Variants in FRMPD4 observed in about 807,000 individuals in gnomAD.
The protein encoded by FRMPD4 is FERM and PDZ domain containing 4.
In FRMPD4, 22 loss-of-function variants were observed where a neutral mutation model predicts 94.1. The ratio of observed to expected loss-of-function variants is 0.23; its 90% confidence interval spans 0.17 to 0.33. The LOEUF (loss-of-function observed/expected upper bound fraction) is 0.33. Ranked by LOEUF, FRMPD4 falls within the 10% of genes least tolerant of loss-of-function variation. The pLI, the probability that FRMPD4 is intolerant of heterozygous loss-of-function variation, is 1.00. For missense variants in FRMPD4, 1,111 were observed against 1,339.9 expected (o/e 0.83, Z 2.67); for synonymous variants, 631 against 548.6 (o/e 1.15, Z -2.10).
chrX:11,837,883 A>G (rs1320287375), intron 1 of FRMPD4, among the ~76,000 whole-genome samples: 1 of 111,385 alleles, frequency 9.0e-6, no homozygotes, highest in Non-Finnish European at 1.9e-5. Context: ...TAAAGCAAAT[A>G]TGTTCACTTC....
In FRMPD4 at chrX:12,253,881, A is replaced by G. The variant is rs140065712; in HGVS notation, c.41+114869A>G. ...TGTACTCCATGAACAAGGGAATATT[A>G]TCAGGAGAACATGAGATGTAAATAA... On this transcript the variant is annotated intron_variant, in intron 1 of 16. Transcript: ENST00000675598. Among the ~76,000 whole-genome samples the G allele has an allele frequency of 6.3e-3, 705 of 111,778 alleles. 9 individuals carry two copies. The highest frequency in any genetic ancestry group is 0.022 in the African/African-American group (673 of 30,862).
In FRMPD4 at chrX:12,558,492, G is replaced by A. The variant is rs189408130; in HGVS notation, c.159-51229G>A. Among the ~76,000 whole-genome samples, 8 of 112,716 alleles carry A rather than the reference G, an allele frequency of 7.1e-5. No individual in the cohort carries two copies. The East Asian group carries it at 2.2e-3, about 31-fold the overall frequency. On this transcript the variant is annotated intron_variant, in intron 2 of 16. Coordinates refer to ENST00000675598, the MANE Select transcript of FRMPD4 (RefSeq NM_001368397.1). ...ACTGTAAGGTTACAATGAAAACCAG[G>A]CATTTTGTGCTTTTTAATTCAAGAC...
chrX:12,519,725 C>T (rs1002778439), intron 2 of FRMPD4, among the ~76,000 whole-genome samples: 3 of 112,176 alleles, frequency 2.7e-5, no homozygotes, highest in Non-Finnish European at 3.8e-5. Flanking sequence ...TCAAACAACT[C>T]AATTTAAAAA....
At chrX:12,187,097 T>C (rs17281383) in intron 1 of FRMPD4, among the ~76,000 whole-genome samples, 14,799 of 111,313 alleles carry the variant, frequency 0.13, 729 homozygotes, top group South Asian at 0.33. Flanking sequence ...ATATGATTTT[T>C]TGAGAGACTA....
chrX:12,521,743 G>A (rs779315764), intron 2 of FRMPD4, among the ~76,000 whole-genome samples: 43 of 111,781 alleles, frequency 3.8e-4, no homozygotes, highest in Non-Finnish European at 6.8e-4. Flanking sequence ...AATGATTAAA[G>A]CAAGTATTCA....
chrX:12,583,415 C>T, intron 2 of FRMPD4: 2 of 1,179,309 alleles, frequency 1.7e-6, no homozygotes, highest in Non-Finnish European at 2.3e-6. Context: ...GCACACTCAC[C>T]GAACATGGCT....
intron 2 of FRMPD4, among the ~76,000 whole-genome samples, chrX:12,524,077 C>A (rs1317581595): frequency 1.8e-5 from 2 of 111,873 alleles, no homozygotes; most frequent in East Asian, 2.8e-4. Flanking sequence ...ATTACTTGAG[C>A]CCCAGAGTTG....
intron 1 of FRMPD4, among the ~76,000 whole-genome samples, chrX:12,483,842 G>A (rs778488227): frequency 2.1e-4 from 23 of 111,762 alleles, no homozygotes; most frequent in African/African-American, 7.5e-4. Context: ...TCTAGGTATG[G>A]AAAAAATTAA....
chrX:12,164,317 G>A (rs1302815711), intron 1 of FRMPD4, among the ~76,000 whole-genome samples: 2 of 111,102 alleles, frequency 1.8e-5, no homozygotes, highest in Non-Finnish European at 1.9e-5. Flanking sequence ...TTGTCCTTGC[G>A]ATAGTTTGCT....
At chrX:11,883,703 TC>T (rs1267818289) in intron 3 of FRMPD4, among the ~76,000 whole-genome samples, 4 of 111,934 alleles carry the variant, frequency 3.6e-5, no homozygotes, top group African/African-American at 1.3e-4. Context: ...GATTGAATCT[TC>T]CAGTACGTAT....
chrX:12,467,629 T>C (rs1465876244), intron 1 of FRMPD4, among the ~76,000 whole-genome samples: 3 of 112,376 alleles, frequency 2.7e-5, no homozygotes, highest in Non-Finnish European at 5.6e-5. Context: ...GGAAAAATTA[T>C]CCATTTTACT....
chrX:11,925,871 C>G (rs1367740994), intron 3 of FRMPD4, among the ~76,000 whole-genome samples: 1 of 110,818 alleles, frequency 9.0e-6, no homozygotes, highest in Non-Finnish European at 1.9e-5. Context: ...AAACAAATCC[C>G]AAAGCTAGCA....
intron 3 of FRMPD4, among the ~76,000 whole-genome samples, chrX:12,085,830 C>T (rs1386407705): frequency 1.8e-5 from 2 of 111,773 alleles, no homozygotes; most frequent in Admixed American, 1.9e-4. Context: ...GATTGCACCA[C>T]TGTACTCCAG....
At chrX:12,154,849 G>C (rs1261623166) in intron 1 of FRMPD4, among the ~76,000 whole-genome samples, 1 of 112,449 alleles carries the variant, frequency 8.9e-6, no homozygotes, top group African/African-American at 3.2e-5. Flanking sequence ...TGCTCCATCA[G>C]CCTCAGGCTT....
intron 2 of FRMPD4, among the ~76,000 whole-genome samples, chrX:12,513,239 T>A (rs1479917696): frequency 8.9e-6 from 1 of 112,257 alleles, no homozygotes; most frequent in Non-Finnish European, 1.9e-5. Flanking sequence ...TATTTGTCAG[T>A]TTTTGTTTCT....
intron 3 of FRMPD4, among the ~76,000 whole-genome samples, chrX:12,057,240 A>C (rs1323701261): frequency 8.9e-6 from 1 of 111,878 alleles, no homozygotes; most frequent in Non-Finnish European, 1.9e-5. Context: ...AATTGAAATC[A>C]CAATTACTAT....
At chrX:11,952,644 G>C (rs1172633216) in intron 3 of FRMPD4, among the ~76,000 whole-genome samples, 1 of 111,696 alleles carries the variant, frequency 9.0e-6, no homozygotes, top group Non-Finnish European at 1.9e-5. Context: ...GACTCTAAGA[G>C]GGAGAAAGCT....
chrX:12,438,569 T>G (rs1216451899), intron 1 of FRMPD4, among the ~76,000 whole-genome samples: 1 of 111,124 alleles, frequency 9.0e-6, no homozygotes, highest in East Asian at 2.8e-4. Flanking sequence ...GAAGGAAGCT[T>G]CAGAGATATT....
chrX:11,911,508 C>T (rs2053996838), intron 3 of FRMPD4, among the ~76,000 whole-genome samples: 1 of 112,279 alleles, frequency 8.9e-6, no homozygotes, highest in African/African-American at 3.2e-5. Context: ...GGGCTTCTCC[C>T]TTCCTCTGAA....
Sources: gnomAD v4.1 joint callset for allele counts (sites outside exome capture counted in the v4.1 genomes callset) on GRCh38, gnomAD v4.1.1 for gene constraint, MANE v1.5 for transcripts, NCBI Gene and HGNC (gene_info 2026-07-23, HGNC 2026-07-21) for gene names.